Variants in LRRC3B observed in about 807,000 individuals in gnomAD.
The protein encoded by LRRC3B is leucine rich repeat containing 3B.
In LRRC3B, 2 loss-of-function variants were observed where a neutral mutation model predicts 12.8. That is an observed-to-expected ratio of 0.16 (90% CI 0.06 to 0.49). The LOEUF (loss-of-function observed/expected upper bound fraction) is 0.49, where lower values mean the gene tolerates loss of function less well. Ranked by LOEUF, LRRC3B falls within the 20% of genes least tolerant of loss-of-function variation. The probability of loss-of-function intolerance (pLI) is 0.96; values close to 1 mark genes in which losing one functional copy is unlikely to be tolerated. For missense variants in LRRC3B, 189 were observed against 319.4 expected, an observed-to-expected ratio of 0.59 and a Z score of 3.11; for synonymous variants, 132 against 122.0, an observed-to-expected ratio of 1.08 and a Z score of -0.54.
At chr3:26,669,724 G>A (rs910675087) in intron 1 of LRRC3B, among the ~76,000 whole-genome samples, 9 of 152,202 alleles carry the variant, frequency 5.9e-5, no homozygotes, top group African/African-American at 9.6e-5. Context: ...TTTCCCCAAA[G>A]TTGAATCTTA....
chr3:26,709,291 A>G (rs1465175660), intron 1 of LRRC3B, among the ~76,000 whole-genome samples: 2 of 152,162 alleles, frequency 1.3e-5, no homozygotes, highest in Non-Finnish European at 2.9e-5. Context: ...CAGGCAACAG[A>G]ACTCAGAAAT....
chr3:26,638,460 T>C (rs924603447), intron 1 of LRRC3B, among the ~76,000 whole-genome samples: 3 of 152,176 alleles, frequency 2.0e-5, no homozygotes, highest in Admixed American at 2.0e-4. Context: ...CCTTGCATTC[T>C]AGCCATGGCC....
chr3:26,687,999 G>A (rs1700119578), intron 1 of LRRC3B, among the ~76,000 whole-genome samples: 1 of 152,166 alleles, frequency 6.6e-6, no homozygotes, highest in Non-Finnish European at 1.5e-5. Context: ...TTGCTTTGGT[G>A]ACATAAAGAC....
intron 1 of LRRC3B, among the ~76,000 whole-genome samples, chr3:26,663,921 G>C (rs1017554648): frequency 2.0e-5 from 3 of 151,960 alleles, no homozygotes; most frequent in African/African-American, 7.3e-5. Context: ...TCTTCCTGCC[G>C]ATAAAATTGC....
chr3:26,636,998 CTCTT>C (rs1260034376), intron 1 of LRRC3B, among the ~76,000 whole-genome samples: 1 of 128,044 alleles, frequency 7.8e-6, no homozygotes, highest in Non-Finnish European at 1.6e-5. Context: ...CTCTCTTTCT[CTCTT>C]TCTTTCTTTC....
intron 1 of LRRC3B, among the ~76,000 whole-genome samples, chr3:26,677,600 C>A (rs1409840792): frequency 1.3e-5 from 2 of 152,198 alleles, no homozygotes; most frequent in East Asian, 3.9e-4. Flanking sequence ...GTGCTAATGG[C>A]ATAGACCTTC....
intron 1 of LRRC3B, among the ~76,000 whole-genome samples, chr3:26,701,870 C>T (rs1010606301): frequency 4.0e-5 from 6 of 151,864 alleles, no homozygotes; most frequent in African/African-American, 9.7e-5. Context: ...CCCTTAATTC[C>T]AAAAAAAGTT....
intron 1 of LRRC3B, among the ~76,000 whole-genome samples, chr3:26,702,293 T>C (rs1700473911): frequency 6.6e-6 from 1 of 152,216 alleles, no homozygotes; most frequent in Admixed American, 6.5e-5. Flanking sequence ...TACCAGATTA[T>C]TCTCTTTTTA....
intron 1 of LRRC3B, among the ~76,000 whole-genome samples, chr3:26,709,295 C>G (rs1700687717): frequency 6.6e-6 from 1 of 152,142 alleles, no homozygotes; most frequent in African/African-American, 2.4e-5. Flanking sequence ...CAACAGAACT[C>G]AGAAATATCT....
At chr3:26,699,833 C>T (rs1260892712) in intron 1 of LRRC3B, among the ~76,000 whole-genome samples, 1 of 152,170 alleles carries the variant, frequency 6.6e-6, no homozygotes, top group Non-Finnish European at 1.5e-5. Flanking sequence ...CTCAGTCTCC[C>T]TATAAACTTG....
At chr3:26,685,405 G>A (rs947474319) in intron 1 of LRRC3B, among the ~76,000 whole-genome samples, 1 of 149,796 alleles carries the variant, frequency 6.7e-6, no homozygotes, top group African/African-American at 2.5e-5. Context: ...ACTAGTATGT[G>A]ACCAAGGACC....
intron 1 of LRRC3B, among the ~76,000 whole-genome samples, chr3:26,699,091 A>T (rs1700389755): frequency 6.6e-6 from 1 of 150,520 alleles, no homozygotes. Flanking sequence ...AATTTCAAAA[A>T]CTCCAGATTA....
At chr3:26,623,996 T>A (rs1002220779) in intron 1 of LRRC3B, 3 of 152,360 alleles carry the variant, frequency 2.0e-5, no homozygotes, top group Admixed American at 2.0e-4. Flanking sequence ...CGGCCAGCCC[T>A]GAGAGGCCAT....
chr3:26,693,097 G>T (rs980206427), intron 1 of LRRC3B, among the ~76,000 whole-genome samples: 6 of 151,980 alleles, frequency 3.9e-5, no homozygotes, highest in African/African-American at 1.4e-4. Flanking sequence ...TTGGGAGGCC[G>T]AGACGGGCGG....
chr3:26,703,842 G>A (rs1304055477), intron 1 of LRRC3B, among the ~76,000 whole-genome samples: 1 of 151,622 alleles, frequency 6.6e-6, no homozygotes, highest in Non-Finnish European at 1.5e-5. Context: ...TGCCATCTTG[G>A]CCACCATTGT....
intron 1 of LRRC3B, among the ~76,000 whole-genome samples, chr3:26,681,757 GTTGATAGATCTGGTAAAAACAAAAGTAT>G (rs1238969557): frequency 6.6e-6 from 1 of 152,120 alleles, no homozygotes; most frequent in Non-Finnish European, 1.5e-5. Flanking sequence ...CAACCAGATG[GTTGATAGATCTGGTAAAAACAAAAGTAT>G]TTCTAAAATA....
chr3:26,697,852 A>G (rs972252643), intron 1 of LRRC3B, among the ~76,000 whole-genome samples: 98 of 152,198 alleles, frequency 6.4e-4, no homozygotes, highest in African/African-American at 2.4e-3. Flanking sequence ...TGCCTTGTAC[A>G]TAGAAGGTGC....
exon 1 of LRRC3B, chr3:26,623,226 G>A (rs1259793929): frequency 6.6e-6 from 1 of 152,566 alleles, no homozygotes; most frequent in Non-Finnish European, 1.5e-5. Flanking sequence ...CCCGGCCCGG[G>A]ACTGGCGCAA....
intron 1 of LRRC3B, among the ~76,000 whole-genome samples, chr3:26,676,022 T>A (rs1200164470): frequency 6.6e-6 from 1 of 151,996 alleles, no homozygotes; most frequent in East Asian, 1.9e-4. Flanking sequence ...TTAACGTTTT[T>A]GAAGAGTGTT....
Sources: gnomAD v4.1 joint callset for allele counts (sites outside exome capture counted in the v4.1 genomes callset) on GRCh38, gnomAD v4.1.1 for gene constraint, MANE v1.5 for transcripts, NCBI Gene and HGNC (gene_info 2026-07-23, HGNC 2026-07-21) for gene names.